Variants in FBXO36 observed in about 807,000 individuals in gnomAD.
FBXO36 encodes the protein F-box protein 36.
A neutral mutation model predicts 17.0 loss-of-function variants in FBXO36; 18 were observed. The observed-to-expected ratio is 1.06, with a 90% confidence interval of 0.73 to 1.57. The LOEUF (loss-of-function observed/expected upper bound fraction) is 1.57, where lower values mean the gene tolerates loss of function less well. FBXO36 is among the 40% of genes most tolerant of loss of function. FBXO36 has a pLI of 0.00. For synonymous variants in FBXO36, 83 were observed against 85.3 expected (o/e 0.97, Z 0.15); for missense variants, 229 against 221.9 (o/e 1.03, Z -0.20).
intron 1 of FBXO36, chr2:229,942,617 CT>C (rs1009039427): frequency 6.6e-6 from 1 of 152,360 alleles, no homozygotes; most frequent in Non-Finnish European, 1.5e-5. Context: ...CAGCTCCAGC[CT>C]AGCTCCACAG....
intron 3 of FBXO36, among the ~76,000 whole-genome samples, chr2:230,002,840 T>C (rs1228872622): frequency 6.6e-6 from 1 of 152,122 alleles, no homozygotes; most frequent in Non-Finnish European, 1.5e-5. Flanking sequence ...ATAATAAGGA[T>C]GATATAAAGT....
At chr2:229,937,716 C>G (rs2076971542) in intron 1 of FBXO36, 1 of 152,084 alleles carries the variant, frequency 6.6e-6, no homozygotes, top group Admixed American at 6.6e-5. Flanking sequence ...CTTTCCTGAC[C>G]TTCTTACCAA....
chr2:229,949,884 C>T (rs1213899944), intron 1 of FBXO36, among the ~76,000 whole-genome samples: 1 of 152,176 alleles, frequency 6.6e-6, no homozygotes, highest in African/African-American at 2.4e-5. Flanking sequence ...GAGATCGTGC[C>T]AGGGCACTCC....
intron 1 of FBXO36, among the ~76,000 whole-genome samples, chr2:229,956,708 A>G (rs1169882900): frequency 3.9e-5 from 6 of 152,182 alleles, no homozygotes; most frequent in Non-Finnish European, 8.8e-5. Flanking sequence ...GAAGGATCTC[A>G]AGGCAGATAA....
At chr2:229,947,414 T>A (rs2077032693) in intron 1 of FBXO36, among the ~76,000 whole-genome samples, 1 of 152,174 alleles carries the variant, frequency 6.6e-6, no homozygotes, top group South Asian at 2.1e-4. Flanking sequence ...TAGGGCATAG[T>A]CAGTGGCTAG....
intron 1 of FBXO36, among the ~76,000 whole-genome samples, chr2:229,927,603 C>A (rs1283653228): frequency 3.3e-5 from 5 of 152,020 alleles, no homozygotes; most frequent in Non-Finnish European, 7.4e-5. Context: ...GCCAATAACC[C>A]AGGTGGTTGT....
chr2:230,008,705 G>T (rs1257708635), intron 3 of FBXO36, among the ~76,000 whole-genome samples: 2 of 152,236 alleles, frequency 1.3e-5, no homozygotes, highest in East Asian at 3.9e-4. Flanking sequence ...AATCCACATT[G>T]GTGCTGGAGT....
chr2:229,946,569 C>G (rs1476280577), intron 1 of FBXO36, among the ~76,000 whole-genome samples: 4 of 152,186 alleles, frequency 2.6e-5, no homozygotes, highest in Non-Finnish European at 5.9e-5. Flanking sequence ...AAGGTAAAAA[C>G]TTGAATAAGC....
intron 1 of FBXO36, among the ~76,000 whole-genome samples, chr2:229,947,543 G>C (rs937347941): frequency 1.6e-4 from 24 of 152,250 alleles, no homozygotes; most frequent in Non-Finnish European, 1.5e-5. Context: ...ATCTTAGTAA[G>C]CAGCCTTTGG....
At chr2:229,951,746 G>T (rs2077058974) in intron 1 of FBXO36, among the ~76,000 whole-genome samples, 1 of 152,196 alleles carries the variant, frequency 6.6e-6, no homozygotes, top group East Asian at 1.9e-4. Context: ...TAGTGCAGGA[G>T]CACAGGCCAA....
At chr2:229,986,794 C>T (rs1406214462) in intron 2 of FBXO36, among the ~76,000 whole-genome samples, 1 of 151,794 alleles carries the variant, frequency 6.6e-6, no homozygotes, top group African/African-American at 2.4e-5. Context: ...CTCAGCCTCC[C>T]AAAGTGCTAG....
chr2:229,995,547 CTCTT>C (rs2077320619), intron 2 of FBXO36, among the ~76,000 whole-genome samples: 2 of 145,942 alleles, frequency 1.4e-5, no homozygotes, highest in Admixed American at 6.9e-5. Context: ...TATATTTTTT[CTCTT>C]TCTTTCCTTC....
At chr2:230,001,312 G>A (rs1272345367) in intron 3 of FBXO36, among the ~76,000 whole-genome samples, 1 of 151,596 alleles carries the variant, frequency 6.6e-6, no homozygotes. Flanking sequence ...TTTTGAGACA[G>A]AGTCTCGCTC....
chr2:229,927,294 ATTTT>A (rs748664690), intron 1 of FBXO36, among the ~76,000 whole-genome samples: 1 of 151,322 alleles, frequency 6.6e-6, no homozygotes, highest in East Asian at 1.9e-4. Flanking sequence ...TATATGTTGT[ATTTT>A]TTTTTAACTC....
At chr2:229,976,451 A>G (rs965378098) in intron 2 of FBXO36, 102 bp downstream of exon 2, 10 of 776,516 alleles carry the variant, frequency 1.3e-5, no homozygotes, top group Admixed American at 2.2e-5. Context: ...AAATATTGAT[A>G]TGCAGTTATG....
rs1018226274 is a variant in FBXO36, at chr2:229,976,227, G to C, written c.97-14G>C. The C allele has an allele frequency of 2.6e-6, 4 of 1,563,712 alleles. No homozygotes were observed. Among genetic ancestry groups the C allele is most frequent in the Admixed American group, 3.9e-5 (2 of 51,890 alleles). On this transcript the variant is annotated splice_polypyrimidine_tract_variant and intron_variant, in intron 1 of 3. Coordinates refer to ENST00000283946, the MANE Select transcript of FBXO36 (RefSeq NM_174899.5). ...AATCAATTTTAATTCATATCACTTT[G>C]TATTTAATTATAGGTAATCTTTAGA... is the stretch of plus-strand genomic sequence containing the variant.
intron 1 of FBXO36, among the ~76,000 whole-genome samples, chr2:229,961,338 T>C (rs964237279): frequency 3.3e-5 from 5 of 152,272 alleles, no homozygotes; most frequent in East Asian, 1.9e-4. Flanking sequence ...CAATTTTTTT[T>C]CCCAAGATTT....
intron 1 of FBXO36, among the ~76,000 whole-genome samples, chr2:229,973,578 A>G (rs2077192085): frequency 6.6e-6 from 1 of 151,446 alleles, no homozygotes; most frequent in African/African-American, 2.4e-5. Context: ...AAAATTAGCC[A>G]GGTGCCGTGG....
chr2:229,944,118 C>T (rs756053398), intron 1 of FBXO36, among the ~76,000 whole-genome samples: 1 of 152,174 alleles, frequency 6.6e-6, no homozygotes, highest in Non-Finnish European at 1.5e-5. Flanking sequence ...GCCTGTGGAA[C>T]TGTGAATCAG....
Sources: allele counts gnomAD v4.1 joint callset (sites outside exome capture counted in the v4.1 genomes callset), GRCh38; gene constraint gnomAD v4.1.1; transcripts MANE v1.5; gene names NCBI Gene and HGNC (gene_info 2026-07-23, HGNC 2026-07-21).